The following SOX13 variants were observed in gnomAD, a reference collection of about 807,000 sequenced individuals.
SOX13 encodes the protein SRY-box transcription factor 13, also known as transcription factor SOX-13.
Under a neutral mutation model 71.8 loss-of-function variants are expected in SOX13, and 28 were observed. That is an observed-to-expected ratio of 0.39 (90% confidence interval 0.29 to 0.53). The LOEUF (loss-of-function observed/expected upper bound fraction) is 0.53. Ranked by LOEUF, SOX13 falls within the 20% of genes least tolerant of loss-of-function variation. The probability of loss-of-function intolerance (pLI) is 0.70; values close to 1 mark genes in which losing one functional copy is unlikely to be tolerated. For synonymous variants in SOX13, 309 were observed against 317.8 expected (o/e 0.97, Z 0.29); for missense variants, 627 against 810.3 (o/e 0.77, Z 2.75).
chr1:204,089,839 C>T (rs931960359), intron 1 of SOX13, among the ~76,000 whole-genome samples: 5 of 152,202 alleles, frequency 3.3e-5, no homozygotes, highest in African/African-American at 9.6e-5. Context: ...CCACCTGTCA[C>T]GTAAGTTGGT....
chr1:204,117,362 C>G (rs756667576), intron 6 of SOX13, among the ~76,000 whole-genome samples, 172 bp downstream of exon 6: 1 of 152,178 alleles, frequency 6.6e-6, no homozygotes, highest in African/African-American at 2.4e-5. Context: ...TGTCTTCCTT[C>G]CCTGATTAAA....
At chr1:204,117,449 G>A (rs960696378) in intron 6 of SOX13, 144 bp from the exon 7 acceptor site, 9 of 670,904 alleles carry the variant, frequency 1.3e-5, no homozygotes, top group African/African-American at 3.6e-5. Flanking sequence ...GTTGGCCTAG[G>A]GTCAAAGGGA....
At chr1:204,082,422 AG>A in intron 1 of SOX13, among the ~76,000 whole-genome samples, 1 of 152,012 alleles carries the variant, frequency 6.6e-6, no homozygotes, top group Non-Finnish European at 1.5e-5. Flanking sequence ...AAAAAGGAAG[AG>A]TCAGAACAGC....
rs1277971108 is a variant in SOX13, at chr1:204,124,625, T to TG, written c.1376-10dup. 1 of 1,597,842 alleles carries TG rather than the reference T, an allele frequency of 6.3e-7. No homozygotes were observed. On this transcript the variant is annotated splice_polypyrimidine_tract_variant and intron_variant, in intron 12 of 13. Coordinates refer to ENST00000367204, the MANE Select transcript of SOX13 (RefSeq NM_005686.3). Reference sequence around the variant, plus strand: ...GAGCCCAGCACTGACTGCCTGCCCCTGGGGGGTTGGGTCAGGATCTCGCTG... The same window carrying TG: ...GAGCCCAGCACTGACTGCCTGCCCCTGGGGGGGTTGGGTCAGGATCTCGCTG...
chr1:204,116,062 G>T, intron 4 of SOX13: 3 of 753,448 alleles, frequency 4.0e-6, no homozygotes, highest in Non-Finnish European at 5.5e-6. Flanking sequence ...CAGAGAAATT[G>T]GTAACTTGCC....
Position 204,123,153 on chromosome 1 carries a change from G to A in SOX13, c.1176G>A (p.Leu392=). The change falls in exon 11 of 14, where the codon CTG becomes CTA. Residue 392 remains leucine, a synonymous_variant. Coordinates refer to ENST00000367204, the MANE Select transcript of SOX13 (RefSeq NM_005686.3). The surrounding 1 kb of genome is among the most constrained non-coding windows in gnomAD (Gnocchi z 5.0). ...ACTCATCCCCAGCCAAGGAGCGGCT[G>A]GAGGACGGCTGTGTGCACCCACTGG... ...SLDSSPAKER[L]EDGCVHPLEE... The A allele has an allele frequency of 1.2e-6, 2 of 1,613,734 alleles. No homozygotes were observed. The highest frequency in any genetic ancestry group is 1.3e-5 in the African/African-American group (1 of 75,054).
Position 204,126,205 on chromosome 1 carries a change from C to T in SOX13, c.*71C>T. The T allele has an allele frequency of 1.3e-6, 2 of 1,505,580 alleles. No individual in the cohort carries two copies. The highest frequency in any genetic ancestry group is 1.8e-6 in the Non-Finnish European group (2 of 1,101,604). The allele number at this position is 1,505,580 out of a possible 1,614,324, so 93.3% of individuals were successfully genotyped here. A position where few individuals can be genotyped will look rare whatever the true frequency, so the allele number is the denominator to read the frequency against. Reference sequence around the variant, plus strand: ...GTCCCAACTCGATGGGCACAGCCAGCCAACCTAAGACTATGTTGGTACTTG... The same window carrying T: ...GTCCCAACTCGATGGGCACAGCCAGTCAACCTAAGACTATGTTGGTACTTG... On this transcript the variant is annotated 3_prime_UTR_variant, in exon 14 of 14. Coordinates refer to ENST00000367204, the MANE Select transcript of SOX13 (RefSeq NM_005686.3).
chr1:204,122,341 C>A lies in SOX13; in HGVS notation c.966C>A (p.Pro322=), dbSNP rs1212377627. The part of the protein sequence containing the change: ...SLKMSSCVPR[P]PSHGGPTRDL... ...AGATGAGCAGCTGTGTGCCCCGCCC[C>A]CCCAGCCATGGAGGCCCCACGCGGG... Residue 322 remains proline, a synonymous_variant, in exon 9 of 14, where the codon CCC becomes CCA. Transcript: ENST00000367204. The A allele has an allele frequency of 6.4e-7, 1 of 1,563,344 alleles. No homozygotes were observed. The highest frequency in any genetic ancestry group is 2.4e-5 in the East Asian group (1 of 42,084).
At position 204,123,117 on chromosome 1, in the gene SOX13, C is replaced by T. The variant is rs754705581; in HGVS notation, c.1140C>T (p.Leu380=). Residue 380 remains leucine (L), a synonymous_variant, in exon 11 of 14, where the codon CTC becomes CTT. Coordinates refer to ENST00000367204, the MANE Select transcript of SOX13 (RefSeq NM_005686.3). The surrounding 1 kb of genome is among the most constrained non-coding windows in gnomAD (Gnocchi z 5.0). ...GGTTGCCCCTGTCAACCTAGGACCTCATCAGCCTGGACTCATCCCCAGCCA... is the reference window on the plus strand; with the variant it reads ...GGTTGCCCCTGTCAACCTAGGACCTTATCAGCCTGGACTCATCCCCAGCCA... ...GSPNTPFRKD[L]ISLDSSPAKE... 79 of 1,613,620 alleles carry T rather than the reference C, an allele frequency of 4.9e-5. No individual in the cohort carries two copies. Among genetic ancestry groups the T allele is most frequent in the Non-Finnish European group, 3.8e-5 (45 of 1,179,716 alleles).
In SOX13 at chr1:204,123,222, C is replaced by A. The variant is rs371855485; in HGVS notation, c.1231+14C>A. 1 of 1,602,136 alleles carries A rather than the reference C, an allele frequency of 6.2e-7. No homozygotes were observed. The highest frequency in any genetic ancestry group is 1.1e-5 in the South Asian group (1 of 90,818). On this transcript the variant is annotated intron_variant, in intron 11 of 13. Coordinates refer to ENST00000367204, the MANE Select transcript of SOX13 (RefSeq NM_005686.3). This position sits in a 1 kb window ranked among gnomAD's most constrained non-coding sequence, Gnocchi z 5.0. ...GCGACATGGATGGTGAGGGCTCAGG[C>A]GCAGGGCTGATGCGCAGGAGGGCCC...
intron 1 of SOX13, among the ~76,000 whole-genome samples, chr1:204,099,612 C>T (rs562932172): frequency 2.0e-5 from 3 of 151,856 alleles, no homozygotes; most frequent in African/African-American, 7.2e-5. Context: ...GGAGTTTCAT[C>T]ATGTTGCCCA....
chr1:204,117,225 G>A (rs1656713077), intron 6 of SOX13, 35 bp downstream of exon 6: 2 of 1,592,808 alleles, frequency 1.3e-6, no homozygotes, highest in Non-Finnish European at 1.7e-6. Flanking sequence ...GGCACAGGAG[G>A]CAGTTGAGGG....
intron 1 of SOX13, among the ~76,000 whole-genome samples, chr1:204,098,046 A>C (rs1360308661): frequency 6.6e-6 from 1 of 151,912 alleles, no homozygotes; most frequent in African/African-American, 2.4e-5. Flanking sequence ...TTTTTTGTGG[A>C]GATGGGATTT....
Position 204,124,723 on chromosome 1 carries a change from G to A in SOX13, c.1458G>A (p.Glu486=). The change falls in exon 13 of 14, where the codon GAG becomes GAA. Residue 486 remains glutamate (E), a synonymous_variant. Coordinates refer to ENST00000367204, the MANE Select transcript of SOX13 (RefSeq NM_005686.3). The part of the protein sequence containing the change: ...EQARLSRQHL[E]KYPDYKYKPR... ...CGCGGCTGAGCCGGCAGCACCTGGA[G>A]AAGTATCCTGACTACAAGTACAAGC... is the stretch of plus-strand genomic sequence containing the variant. The A allele has an allele frequency of 1.9e-6, 3 of 1,613,082 alleles. No individual in the cohort carries two copies. Among genetic ancestry groups the A allele is most frequent in the Non-Finnish European group, 2.5e-6 (3 of 1,179,596 alleles).
At chr1:204,116,188 C>T (rs1656689785) in intron 4 of SOX13, 2 of 1,310,268 alleles carry the variant, frequency 1.5e-6, no homozygotes, top group Admixed American at 4.9e-5. Context: ...CCACCCTGAC[C>T]CTGTGTGGCG....
intron 1 of SOX13, among the ~76,000 whole-genome samples, chr1:204,105,413 C>CTTTTTTTT (rs35841451): frequency 2.2e-5 from 3 of 137,968 alleles, no homozygotes; most frequent in Admixed American, 6.9e-5. Context: ...TGTATAATCT[C>CTTTTTTTT]TTTTTTTTTT....
chr1:204,108,965 G>T (rs1027069116), intron 1 of SOX13, among the ~76,000 whole-genome samples: 1 of 152,128 alleles, frequency 6.6e-6, no homozygotes, highest in African/African-American at 2.4e-5. Context: ...TGCTGCCTTC[G>T]GCTTCAGGAT....
At chr1:204,120,708 C>T (rs1656785518) in intron 7 of SOX13, among the ~76,000 whole-genome samples, 1 of 152,222 alleles carries the variant, frequency 6.6e-6, no homozygotes, top group East Asian at 1.9e-4. Context: ...GCTCTAGTTA[C>T]CCCAGCTGGA....
chr1:204,075,255 G>C (rs1655763003), intron 1 of SOX13, among the ~76,000 whole-genome samples: 1 of 152,206 alleles, frequency 6.6e-6, no homozygotes, highest in Admixed American at 6.5e-5. Flanking sequence ...CTGTCTCCCT[G>C]CCTACCGCGG....
Sources: allele counts gnomAD v4.1 joint callset (sites outside exome capture counted in the v4.1 genomes callset), GRCh38; gene constraint gnomAD v4.1.1; non-coding constraint Gnocchi (gnomAD v3.1); transcripts MANE v1.5; gene names NCBI Gene and HGNC (gene_info 2026-07-23, HGNC 2026-07-21).